The following GRIA3 variants were observed in gnomAD, a reference collection of about 807,000 sequenced individuals.
GRIA3 encodes glutamate ionotropic receptor AMPA type subunit 3.
In GRIA3, 3 loss-of-function variants were observed where a neutral mutation model predicts 63.0. That is an observed-to-expected ratio of 0.05 (90% confidence interval 0.02 to 0.12). The LOEUF (loss-of-function observed/expected upper bound fraction) is 0.12, where lower values mean the gene tolerates loss of function less well. Ranked by LOEUF, GRIA3 falls within the 10% of genes least tolerant of loss-of-function variation. The pLI is 1.00. For synonymous variants in GRIA3, 274 were observed against 257.9 expected (o/e 1.06, Z -0.60); for missense variants, 347 against 700.9 (o/e 0.50, Z 5.70).
In GRIA3 at chrX:123,184,599, C is replaced by T. The variant is rs746285416; in HGVS notation, c.64C>T (p.Leu22Phe). ...GGCGGTCTTCTTTTTAGTCCTGGGGCTTTTGGGTCATTCTCACGGAGGATT... is the reference window on the plus strand; with the variant it reads ...GGCGGTCTTCTTTTTAGTCCTGGGGTTTTTGGGTCATTCTCACGGAGGATT... ...LRAVFFLVLG[L>F]LGHSHGGFPN... is the part of the protein sequence containing the mutation. Residue 22 changes from leucine (L) to phenylalanine (F), a missense_variant, in exon 1 of 16, where the codon CTT becomes TTT. Physicochemically the swap from Leu to Phe is conservative, Grantham distance 22 (BLOSUM62 0). This residue lies in a region of GRIA3 where 36 missense variants were observed against 28.2 expected (regional missense o/e 1.28). Transcript: ENST00000620443. 1.2e-5 allele frequency: 14 copies of T among 1,206,288 alleles called. No individual in the cohort carries two copies. The East Asian group carries it at 4.2e-4, about 36-fold the overall frequency.
intron 4 of GRIA3, among the ~76,000 whole-genome samples, chrX:123,339,053 T>A (rs1389826766): frequency 8.9e-6 from 1 of 112,086 alleles, no homozygotes; most frequent in Non-Finnish European, 1.9e-5. Context: ...TTCCCTTTAC[T>A]GTACTCCAGA....
Position 123,482,945 on chromosome X carries a change from C to G in GRIA3, c.2586C>G (p.Asn862Lys). 8.3e-7 allele frequency: 1 copy of G among 1,209,587 alleles called. No individual in the cohort carries two copies. Among genetic ancestry groups the G allele is most frequent in the Non-Finnish European group, 1.1e-6 (1 of 893,897 alleles). ...CCAAACGCATGAAACTCACAAAGAA[C>G]ACCCAAAACTTTAAGCCTGCTCCTG... ...AESKRMKLTK[N>K]TQNFKPAPAT... Residue 862 changes from asparagine to lysine, a missense_variant, in exon 15 of 16, where the codon AAC (asparagine) becomes AAG (lysine). By Grantham distance (94) the Asn-to-Lys change is moderately conservative. Coordinates refer to ENST00000620443, the MANE Select transcript of GRIA3 (RefSeq NM_007325.5).
chrX:123,342,119 A>AT lies in GRIA3; in HGVS notation c.697-12788dup, dbSNP rs1252051366. 7.1e-5 allele frequency among the ~76,000 whole-genome samples: 8 copies of AT among 112,262 alleles called. No individual in the cohort carries two copies. In the Admixed American group the frequency reaches 7.5e-4, roughly 11 times the overall value. On this transcript the variant is annotated intron_variant, in intron 4 of 15. Coordinates refer to ENST00000620443, the MANE Select transcript of GRIA3 (RefSeq NM_007325.5). ...TTATGTACCACATCTAAAGGGATGC[A>AT]TTTGGAAAGACAGCAATGAAATTCT...
intron 7 of GRIA3, among the ~76,000 whole-genome samples, chrX:123,401,594 A>G (rs949787027): frequency 1.8e-5 from 2 of 112,082 alleles, no homozygotes; most frequent in Non-Finnish European, 3.8e-5. Context: ...GGTTTGTTGG[A>G]TCAGTTGGAC....
chrX:123,437,963 A>G (rs1211409618), intron 12 of GRIA3, among the ~76,000 whole-genome samples: 1 of 112,158 alleles, frequency 8.9e-6, no homozygotes, highest in African/African-American at 3.2e-5. Context: ...TGGTTTTGTT[A>G]TATCACATTA....
intron 2 of GRIA3, among the ~76,000 whole-genome samples, chrX:123,244,640 T>C (rs1569406224): frequency 8.9e-6 from 1 of 112,604 alleles, no homozygotes; most frequent in Non-Finnish European, 1.9e-5. Context: ...AGATGAGCTA[T>C]GTTGCCCTCC....
At chrX:123,223,463 G>A (rs1323576274) in intron 2 of GRIA3, among the ~76,000 whole-genome samples, 1 of 112,366 alleles carries the variant, frequency 8.9e-6, no homozygotes, top group African/African-American at 3.2e-5. Context: ...GACATGCCAA[G>A]GATTTAGAAA....
intron 10 of GRIA3, among the ~76,000 whole-genome samples, chrX:123,406,839 C>A (rs951054476): frequency 8.1e-5 from 9 of 111,463 alleles, no homozygotes; most frequent in Non-Finnish European, 1.5e-4. Context: ...TTCTGAGGAC[C>A]CTGAGAAGCT....
intron 12 of GRIA3, among the ~76,000 whole-genome samples, chrX:123,453,718 C>T (rs2045747303): frequency 9.1e-6 from 1 of 110,021 alleles, no homozygotes; most frequent in Non-Finnish European, 1.9e-5. Context: ...TGGTTTGATC[C>T]TATGAGGAGA....
rs758242853 is a variant in GRIA3 at position 123,396,676 on chromosome X, T to C, written c.912+1547T>C. ...ACAGAGTGTATGTTGCCTACACATA[T>C]ATTGAATGGAAATGTTTTCCTGCTT... is the stretch of plus-strand genomic sequence containing the variant. On this transcript the variant is annotated intron_variant, in intron 6 of 15. Coordinates refer to ENST00000620443, the MANE Select transcript of GRIA3 (RefSeq NM_007325.5). Among the ~76,000 whole-genome samples, 13 of 112,132 alleles carry C rather than the reference T, an allele frequency of 1.2e-4. No individual in the cohort carries two copies. The Admixed American group carries it at 1.2e-3, about 11-fold the overall frequency.
chrX:123,418,088 T>C (rs1368849322), intron 11 of GRIA3: 1 of 255,202 alleles, frequency 3.9e-6, no homozygotes, highest in Non-Finnish European at 6.8e-6. Context: ...TAAATCTTCA[T>C]CAGATCAAAC....
chrX:123,466,248 T>C (rs1472313891), intron 13 of GRIA3, among the ~76,000 whole-genome samples: 1 of 111,759 alleles, frequency 8.9e-6, no homozygotes, highest in African/African-American at 3.3e-5. Flanking sequence ...GGTGGCTTCT[T>C]CAATTATGTG....
At chrX:123,273,363 T>A (rs5909983) in intron 3 of GRIA3, among the ~76,000 whole-genome samples, 39,985 of 110,348 alleles carry the variant, frequency 0.36, 6,308 homozygotes, top group African/African-American at 0.61. Flanking sequence ...ACATAGAGTG[T>A]TTCCATTCAC....
chrX:123,318,305 C>T (rs1460901346), intron 3 of GRIA3, among the ~76,000 whole-genome samples: 2 of 112,213 alleles, frequency 1.8e-5, no homozygotes, highest in Non-Finnish European at 3.8e-5. Context: ...AGGCTCCTTG[C>T]TATTTATGCA....
intron 5 of GRIA3, among the ~76,000 whole-genome samples, chrX:123,388,370 C>T (rs765473515): frequency 9.0e-6 from 1 of 111,104 alleles, no homozygotes; most frequent in African/African-American, 3.3e-5. Flanking sequence ...CTCAGCCTCC[C>T]GAGTAGATGG....
chrX:123,224,925 C>G (rs1183184120), intron 2 of GRIA3, among the ~76,000 whole-genome samples: 1 of 111,858 alleles, frequency 8.9e-6, no homozygotes, highest in East Asian at 2.8e-4. Context: ...TCACCTTGAC[C>G]AACTAAAATG....
At chrX:123,461,788 C>T (rs1472769295) in intron 12 of GRIA3, among the ~76,000 whole-genome samples, 3 of 110,399 alleles carry the variant, frequency 2.7e-5, no homozygotes, top group African/African-American at 9.9e-5. Context: ...TGGAGCCTGA[C>T]CAAGGGAGGG....
chrX:123,474,330 A>G (rs2045877237), intron 13 of GRIA3, among the ~76,000 whole-genome samples: 1 of 112,394 alleles, frequency 8.9e-6, no homozygotes, highest in Admixed American at 9.4e-5. Flanking sequence ...AAAACTTTAA[A>G]ATAAATTAAG....
chrX:123,242,335 G>A (rs1323174244), intron 2 of GRIA3, among the ~76,000 whole-genome samples: 1 of 112,152 alleles, frequency 8.9e-6, no homozygotes, highest in East Asian at 2.8e-4. Context: ...ACTATATGAT[G>A]TGATATCAAA....
Sources: allele counts gnomAD v4.1 joint callset (sites outside exome capture counted in the v4.1 genomes callset), GRCh38; gene constraint gnomAD v4.1.1; regional missense constraint gnomAD v4.1.1; transcripts MANE v1.5; gene names NCBI Gene and HGNC (gene_info 2026-07-23, HGNC 2026-07-21).